FCGR2B: variants seen among roughly 807,000 people sequenced by gnomAD.
FCGR2B encodes the protein Fc gamma receptor IIb.
A neutral mutation model predicts 24.8 loss-of-function variants in FCGR2B; 18 were observed. The ratio of observed to expected loss-of-function variants is 0.73; its 90% CI spans 0.50 to 1.08. FCGR2B has a LOEUF of 1.08. Ranked by LOEUF, FCGR2B falls within the 50% of genes least tolerant of loss-of-function variation. The probability of loss-of-function intolerance (pLI) is 0.00; values close to 1 mark genes in which losing one functional copy is unlikely to be tolerated. For synonymous variants in FCGR2B, 79 were observed against 109.8 expected, an observed-to-expected ratio of 0.72 and a Z score of 1.75; for missense variants, 215 against 297.6, an observed-to-expected ratio of 0.72 and a Z score of 2.04.
chr1:161,671,798 G>A, intron 3 of FCGR2B, 149 bp downstream of exon 3: 2 of 1,454,436 alleles, frequency 1.4e-6, no homozygotes, highest in South Asian at 2.8e-5. Flanking sequence ...GGTTGTTTTT[G>A]CCTCAGTTCT....
chr1:161,677,395 T>A (rs1450354661), intron 7 of FCGR2B, 30 bp downstream of exon 7: 1 of 1,612,654 alleles, frequency 6.2e-7, no homozygotes, highest in Non-Finnish European at 8.5e-7. Flanking sequence ...TCCCCCTCCC[T>A]TCTCCCCTGT....
the FCGR2B span, among the ~76,000 whole-genome samples, chr1:161,652,045 AGTGTGTGTGTGTGTGT>A: frequency 1.6e-3 from 163 of 104,646 alleles, 9 homozygotes; most frequent in African/African-American, 4.2e-3. Flanking sequence ...TATGTTTAGG[AGTGTGTGTGTGTGTGT>A]GTGTGTGTGT....
At position 161,677,315 on chromosome 1, in the gene FCGR2B, C is replaced by T. The variant is rs1231285167; in HGVS notation, c.818-13C>T. 1 of 1,613,872 alleles carries T rather than the reference C, an allele frequency of 6.2e-7. No homozygotes were observed. Among genetic ancestry groups the T allele is most frequent in the Non-Finnish European group, 8.5e-7 (1 of 1,179,824 alleles). ...AGCAGTGCTCTGGCTGATATTTCTT[C>T]TTTTTCCCACAGCCAATCCCACTAA... On this transcript the variant is annotated splice_polypyrimidine_tract_variant and intron_variant, in intron 6 of 7. Coordinates refer to ENST00000358671, the MANE Select transcript of FCGR2B (RefSeq NM_001394477.1).
intron 6 of FCGR2B, chr1:161,676,049 C>T (rs1372417232): frequency 8.6e-6 from 2 of 231,480 alleles, no homozygotes; most frequent in Admixed American, 1.1e-4. Flanking sequence ...ATTTGACATT[C>T]TGAGAACCAG....
At chr1:161,649,033 G>T in the FCGR2B span, among the ~76,000 whole-genome samples, 1 of 150,904 alleles carries the variant, frequency 6.6e-6, no homozygotes, top group Admixed American at 6.6e-5. Context: ...ACTGAAGCAT[G>T]ACTCTTCTAA....
the FCGR2B span, among the ~76,000 whole-genome samples, chr1:161,652,045 A>AGTGTGTGTGTGTGTGTGTGT: frequency 9.6e-6 from 1 of 104,580 alleles, no homozygotes; most frequent in Non-Finnish European, 2.2e-5. Context: ...TATGTTTAGG[A>AGTGTGTGTGTGTGTGTGTGT]GTGTGTGTGT....
At chr1:161,672,683 T>C in intron 3 of FCGR2B, 1 of 486,330 alleles carries the variant, frequency 2.1e-6, no homozygotes, top group South Asian at 2.7e-5. Context: ...GCTGCCTTCC[T>C]GGGAGAAGGA....
the FCGR2B span, among the ~76,000 whole-genome samples, chr1:161,649,493 G>A: frequency 2.0e-5 from 3 of 150,926 alleles, no homozygotes; most frequent in African/African-American, 4.9e-5. Flanking sequence ...TTAGCAGGGT[G>A]CAAGTGACCA....
chr1:161,678,016 G>C lies in FCGR2B; in HGVS notation c.*463G>C, dbSNP rs900575259. On this transcript the variant is annotated 3_prime_UTR_variant, in exon 8 of 8. Transcript: ENST00000358671. ...TTTATTTTCTTTATTTTTCTATAAA[G>C]ATCATATATTACTTTTATAATAAAA... The C allele has an allele frequency of 4.6e-5, 10 of 217,728 alleles. No homozygotes were observed. The highest frequency in any genetic ancestry group is 6.5e-5 in the Non-Finnish European group (7 of 108,426). 13.5% of individuals were successfully genotyped at this position (217,728 alleles called of 1,614,324 possible).
At chr1:161,649,310 G>A in the FCGR2B span, among the ~76,000 whole-genome samples, 1 of 150,936 alleles carries the variant, frequency 6.6e-6, no homozygotes, top group Non-Finnish European at 1.5e-5. Context: ...TAATATGAAT[G>A]TCAGGTCAAT....
At chr1:161,651,624 C>T in the FCGR2B span, among the ~76,000 whole-genome samples, 1 of 115,816 alleles carries the variant, frequency 8.6e-6, no homozygotes. Context: ...CATCCTAGCT[C>T]TCCAATCAAA....
intron 5 of FCGR2B, chr1:161,674,445 G>A (rs1681945649): frequency 2.6e-6 from 1 of 379,454 alleles, no homozygotes; most frequent in East Asian, 6.5e-5. Context: ...AAGGGCTGAG[G>A]CAGTTGGAGA....
chr1:161,677,591 A>C lies in FCGR2B; in HGVS notation c.*38A>C. 1 of 1,480,456 alleles carries C rather than the reference A, an allele frequency of 6.8e-7. No individual in the cohort carries two copies. Among genetic ancestry groups the C allele is most frequent in the East Asian group, 2.3e-5 (1 of 44,222 alleles). 91.7% of individuals were successfully genotyped at this position (1,480,456 alleles called of 1,614,324 possible). A position where few individuals can be genotyped will look rare whatever the true frequency, so the allele number is the denominator to read the frequency against. On this transcript the variant is annotated 3_prime_UTR_variant, in exon 8 of 8. Transcript: ENST00000358671. ...TGCATTGGGATTTGAGAAGAAAATCAGAGAGGGAAGATCTGGTATTTCCTG... is the reference window on the plus strand; with the variant it reads ...TGCATTGGGATTTGAGAAGAAAATCCGAGAGGGAAGATCTGGTATTTCCTG...
intron 6 of FCGR2B, 65 bp from the exon 7 acceptor site, chr1:161,677,263 C>A: frequency 1.3e-6 from 2 of 1,529,868 alleles, no homozygotes; most frequent in South Asian, 2.2e-5. Flanking sequence ...GCAGCCTCAG[C>A]ATCAGCACAG....
At chr1:161,675,200 C>T (rs1427401165) in intron 5 of FCGR2B, 57 bp from the exon 6 acceptor site, 18 of 1,253,432 alleles carry the variant, frequency 1.4e-5, no homozygotes, top group Non-Finnish European at 2.1e-5. Flanking sequence ...GGTCCTTGGT[C>T]CTGAGGACTC....
chr1:161,675,119 G>C, intron 5 of FCGR2B, 138 bp from the exon 6 acceptor site: 1 of 612,880 alleles, frequency 1.6e-6, no homozygotes, highest in Non-Finnish European at 2.9e-6. Flanking sequence ...GAGCAGGGGA[G>C]CTGGGGGTGG....
intron 3 of FCGR2B, chr1:161,672,719 A>G: frequency 1.7e-6 from 1 of 589,618 alleles, no homozygotes; most frequent in Non-Finnish European, 3.0e-6. Context: ...CTGAACACCT[A>G]TTATGTGCTA....
chr1:161,676,197 A>G (rs981967899), intron 6 of FCGR2B: 6 of 225,062 alleles, frequency 2.7e-5, no homozygotes, highest in Non-Finnish European at 5.3e-5. Context: ...GACAGTAAGA[A>G]CAGGCAGAAA....
chr1:161,647,918 G>C, the FCGR2B span, among the ~76,000 whole-genome samples: 1 of 150,970 alleles, frequency 6.6e-6, no homozygotes, highest in African/African-American at 2.4e-5. Flanking sequence ...ATCCCGGAGA[G>C]TCAGCGACTC....
Sources: allele counts gnomAD v4.1 joint callset (sites outside exome capture counted in the v4.1 genomes callset), GRCh38; gene constraint gnomAD v4.1.1; transcripts MANE v1.5; gene names NCBI Gene and HGNC (gene_info 2026-07-23, HGNC 2026-07-21).